Variants in ESRRB observed in about 807,000 individuals in gnomAD.
ESRRB encodes steroid hormone receptor ERR2.
ESRRB carries 16 observed loss-of-function variants against 46.0 expected under a neutral mutation model. The ratio of observed to expected loss-of-function variants is 0.35; its 90% CI spans 0.24 to 0.53. The LOEUF (loss-of-function observed/expected upper bound fraction) is 0.53, where lower values mean the gene tolerates loss of function less well. ESRRB is among the 20% of genes least tolerant of loss of function. ESRRB has a pLI of 0.93. For synonymous variants in ESRRB, 246 were observed against 259.6 expected (o/e 0.95, Z 0.50); for missense variants, 488 against 607.4 (o/e 0.80, Z 2.07).
chr14:76,482,129 G>C lies in ESRRB; in HGVS notation c.688+3G>C, dbSNP rs1216915965. ...TTCTCCACCTGCTAAAAAGCCATGT[G>C]AGTGTCAGGGCAGTCCCTGCCCCTT... On this transcript the variant is annotated splice_donor_region_variant and intron_variant, in intron 4 of 6. Coordinates refer to ENST00000644823, the MANE Select transcript of ESRRB (RefSeq NM_001379180.1). The surrounding 1 kb of genome is among the most constrained non-coding windows in gnomAD (Gnocchi z 4.3). 6.2e-7 allele frequency: 1 copy of C among 1,609,440 alleles called. No homozygotes were observed. Among genetic ancestry groups the C allele is most frequent in the African/African-American group, 1.3e-5 (1 of 74,822 alleles).
intron 1 of ESRRB, among the ~76,000 whole-genome samples, chr14:76,377,160 A>G (rs1884805123): frequency 1.3e-5 from 2 of 152,206 alleles, no homozygotes; most frequent in African/African-American, 2.4e-5. Flanking sequence ...TCGCGGTGCC[A>G]GAACCTGGGG....
rs189190880 is a variant in ESRRB, at chr14:76,397,546, G to T, written c.50+21095G>T. Among the ~76,000 whole-genome samples the T allele has an allele frequency of 6.0e-4, 92 of 152,316 alleles. 1 individual carries two copies. Among genetic ancestry groups the T allele is most frequent in the African/African-American group, 2.0e-3 (85 of 41,582 alleles). On this transcript the variant is annotated intron_variant, in intron 1 of 6. Transcript: ENST00000644823. ...TATTTTCTTTACGGAGGCTGGGCTT[G>T]CTGGCTTTAAAGTAATTCCAAAATA... is the stretch of plus-strand genomic sequence containing the variant.
At chr14:76,412,110 C>T (rs182390712) in intron 1 of ESRRB, among the ~76,000 whole-genome samples, 124 of 152,220 alleles carry the variant, frequency 8.1e-4, no homozygotes, top group African/African-American at 2.8e-3. Context: ...TATTGAGAAC[C>T]TGCTGTTTAC....
rs761581388 is a variant in ESRRB at position 76,498,247 on chromosome 14, A to G, written c.1154A>G (p.Gln385Arg). The G allele has an allele frequency of 5.0e-6, 8 of 1,613,748 alleles. No homozygotes were observed. The South Asian group carries it at 6.6e-5, about 13-fold the overall frequency. ...SMYIEDLEAV[Q>R]KLQDLLHEAL... ...TACATCGAGGATCTAGAGGCTGTCC[A>G]GAAGCTGCAGGACCTGCTGCACGAG... The change falls in exon 7 of 7, where the codon CAG becomes CGG. Residue 385 changes from glutamine to arginine, a missense_variant. By Grantham distance (43) the Gln-to-Arg change is conservative. Transcript: ENST00000644823.
chr14:76,347,836 G>A (rs549402721), intron 1 of ESRRB, among the ~76,000 whole-genome samples: 2 of 31,528 alleles, frequency 6.3e-5, no homozygotes, highest in East Asian at 1.9e-3. Context: ...TCACCAATGG[G>A]CAGCAGCCAC....
upstream of ESRRB, among the ~76,000 whole-genome samples, chr14:76,369,660 G>A (rs1884574430): frequency 6.6e-6 from 1 of 152,134 alleles, no homozygotes; most frequent in East Asian, 1.9e-4. Context: ...AAAATAAAAT[G>A]CATTTTATTC....
chr14:76,415,999 A>C (rs1340205379), intron 1 of ESRRB, among the ~76,000 whole-genome samples: 1 of 152,188 alleles, frequency 6.6e-6, no homozygotes, highest in Non-Finnish European at 1.5e-5. Context: ...TTCATACCAT[A>C]TTACAGTATT....
chr14:76,453,597 C>CT (rs796736002), intron 2 of ESRRB, among the ~76,000 whole-genome samples: 8,589 of 134,274 alleles, frequency 0.064, 419 homozygotes, highest in East Asian at 0.15. Flanking sequence ...AAAAAAAGCT[C>CT]TTTTTTTTTT....
At chr14:76,320,932 C>T (rs552956435) in intron 1 of ESRRB, among the ~76,000 whole-genome samples, 17 of 152,290 alleles carry the variant, frequency 1.1e-4, no homozygotes, top group African/African-American at 3.6e-4. Context: ...CCATCATACT[C>T]TATTAATTTA....
At chr14:76,323,926 C>T (rs77312203) in intron 1 of ESRRB, among the ~76,000 whole-genome samples, 9,850 of 152,222 alleles carry the variant, frequency 0.065, 454 homozygotes, top group South Asian at 0.15. Context: ...CTTCATCTGA[C>T]GAAGGCATGT....
intron 1 of ESRRB, among the ~76,000 whole-genome samples, chr14:76,326,679 G>C (rs978759533): frequency 6.6e-6 from 1 of 152,158 alleles, no homozygotes; most frequent in African/African-American, 2.4e-5. Flanking sequence ...TGTAGAAGTG[G>C]GTAGAGGGTA....
intron 1 of ESRRB, among the ~76,000 whole-genome samples, chr14:76,356,715 G>A (rs936607260): frequency 6.6e-6 from 1 of 152,154 alleles, no homozygotes; most frequent in Non-Finnish European, 1.5e-5. Context: ...AAGGGGAGGG[G>A]GCAGGTCCCT....
chr14:76,364,926 C>T (rs181387739), intron 1 of ESRRB, among the ~76,000 whole-genome samples: 290 of 152,236 alleles, frequency 1.9e-3, no homozygotes, highest in Admixed American at 4.4e-3. Context: ...TAATAATAAT[C>T]GTGAACTTTC....
intron 1 of ESRRB, among the ~76,000 whole-genome samples, chr14:76,336,754 G>A (rs1884131433): frequency 1.3e-5 from 2 of 152,124 alleles, no homozygotes; most frequent in Admixed American, 6.5e-5. Context: ...ACTCACTCAC[G>A]CATTCCAGCA....
At chr14:76,475,727 T>C (rs1411914378) in intron 3 of ESRRB, among the ~76,000 whole-genome samples, 2 of 152,252 alleles carry the variant, frequency 1.3e-5, no homozygotes, top group Non-Finnish European at 2.9e-5. Flanking sequence ...TCAGTTTTTT[T>C]GGGGGTGTAT....
chr14:76,329,820 C>A (rs1385415761), intron 1 of ESRRB, among the ~76,000 whole-genome samples: 1 of 152,178 alleles, frequency 6.6e-6, no homozygotes, highest in African/African-American at 2.4e-5. Context: ...AAGCACAAAG[C>A]GGCCCCAAAA....
intron 5 of ESRRB, among the ~76,000 whole-genome samples, chr14:76,485,408 T>C (rs906399734): frequency 2.2e-4 from 34 of 151,604 alleles, no homozygotes; most frequent in African/African-American, 8.3e-4. Context: ...TGGCTAATTT[T>C]TTTTTCTATC....
chr14:76,356,775 G>A (rs1318158724), intron 1 of ESRRB, among the ~76,000 whole-genome samples: 1 of 152,216 alleles, frequency 6.6e-6, no homozygotes, highest in Non-Finnish European at 1.5e-5. Context: ...CTCCTGTCCA[G>A]CCCCATCAGC....
Position 76,376,314 on chromosome 14 carries a change from T to A in ESRRB, c.-88T>A. ...CGCGCTCACTGTGCCCTGCCCGGGC[T>A]CGCACCTTGCCCGTGCCCTTCACTC... On this transcript the variant is annotated 5_prime_UTR_variant, in exon 1 of 7. Transcript: ENST00000644823. The surrounding 1 kb of genome is among the most constrained non-coding windows in gnomAD (Gnocchi z 4.1). 1 of 1,056,474 alleles carries A rather than the reference T, an allele frequency of 9.5e-7. No homozygotes were observed. The highest frequency in any genetic ancestry group is 1.2e-6 in the Non-Finnish European group (1 of 828,060). 65.4% of individuals were successfully genotyped at this position (1,056,474 alleles called of 1,614,324 possible).
Sources: allele counts gnomAD v4.1 joint callset (sites outside exome capture counted in the v4.1 genomes callset), GRCh38; gene constraint gnomAD v4.1.1; non-coding constraint Gnocchi (gnomAD v3.1); transcripts MANE v1.5; gene names NCBI Gene and HGNC (gene_info 2026-07-23, HGNC 2026-07-21).